KANK4: variants seen among roughly 807,000 people sequenced by gnomAD.
KANK4 encodes the protein KN motif and ankyrin repeat domains 4.
A neutral mutation model predicts 80.8 loss-of-function variants in KANK4; 50 were observed. The ratio of observed to expected loss-of-function variants is 0.62; its 90% CI spans 0.49 to 0.78. The LOEUF (loss-of-function observed/expected upper bound fraction) is 0.78, where lower values mean the gene tolerates loss of function less well. KANK4 is among the 30% of genes least tolerant of loss of function. The pLI is 0.00. For missense variants in KANK4, 1,196 were observed against 1,240.1 expected, an observed-to-expected ratio of 0.96 and a Z score of 0.53; for synonymous variants, 465 against 506.9, an observed-to-expected ratio of 0.92 and a Z score of 1.11.
In KANK4 at chr1:62,268,510, G is replaced by C; in HGVS notation, c.2013-5C>G. ...TCACTTGAGGTGGTCTCATACCTGG[G>C]GTAGAAAACAAAGGTCACTCGTCCT... On this transcript the variant is annotated splice_polypyrimidine_tract_variant and splice_region_variant and intron_variant, in intron 4 of 9. Transcript: ENST00000371153. The C allele has an allele frequency of 6.2e-7, 1 of 1,611,974 alleles. No homozygotes were observed. Among genetic ancestry groups the C allele is most frequent in the Non-Finnish European group, 8.5e-7 (1 of 1,178,864 alleles).
intron 1 of KANK4, among the ~76,000 whole-genome samples, chr1:62,284,921 G>C (rs1280307597): frequency 6.6e-6 from 1 of 152,126 alleles, no homozygotes; most frequent in African/African-American, 2.4e-5. Context: ...CAGACACTCA[G>C]TCCATGGTTC....
chr1:62,305,980 ACTCT>A (rs58731873), intron 1 of KANK4, among the ~76,000 whole-genome samples: 27 of 149,602 alleles, frequency 1.8e-4, no homozygotes, highest in Admixed American at 1.4e-3. Flanking sequence ...CCCATTACAG[ACTCT>A]CTCTCTCTCT....
chr1:62,252,773 A>G (rs574565746), intron 8 of KANK4, among the ~76,000 whole-genome samples: 20 of 152,386 alleles, frequency 1.3e-4, no homozygotes, highest in Non-Finnish European at 1.5e-5. Flanking sequence ...CAAGATGGCA[A>G]CTGGGAATGT....
At chr1:62,238,871 C>G (rs1427469633) in intron 9 of KANK4, among the ~76,000 whole-genome samples, 2 of 152,048 alleles carry the variant, frequency 1.3e-5, no homozygotes, top group Admixed American at 1.3e-4. Context: ...CTGAAGTGGT[C>G]CGCCCACCTT....
At chr1:62,288,502 A>C (rs1028124491) in intron 1 of KANK4, among the ~76,000 whole-genome samples, 2 of 152,198 alleles carry the variant, frequency 1.3e-5, no homozygotes, top group Non-Finnish European at 2.9e-5. Flanking sequence ...ACTCAAATAG[A>C]GCCTCTCTGA....
At chr1:62,260,156 A>G (rs1671845347) in intron 7 of KANK4, among the ~76,000 whole-genome samples, 1 of 152,064 alleles carries the variant, frequency 6.6e-6, no homozygotes, top group South Asian at 2.1e-4. Flanking sequence ...CATCTCAGAG[A>G]AATGAATAGC....
rs57965682 is a variant in KANK4 at position 62,238,628 on chromosome 1, T to G, written c.2884-247A>C. Among the ~76,000 whole-genome samples the G allele has an allele frequency of 0.16, 22,640 of 144,426 alleles. 2,005 individuals carry two copies. The highest frequency in any genetic ancestry group is 0.23 in the South Asian group (1,046 of 4,554). The allele number at this position is 144,426 out of a possible 152,430, so 94.7% of individuals were successfully genotyped here. ...TAAAGAAGGGCCATCTAGTTTTTAATGCTCTTTTTTTTTTTTTTTGAGATG... is the reference window on the plus strand; with the variant it reads ...TAAAGAAGGGCCATCTAGTTTTTAAGGCTCTTTTTTTTTTTTTTTGAGATG... On this transcript the variant is annotated intron_variant, in intron 9 of 9. Transcript: ENST00000371153.
chr1:62,318,761 C>T (rs981040141), intron 1 of KANK4, among the ~76,000 whole-genome samples: 1 of 152,188 alleles, frequency 6.6e-6, no homozygotes, highest in Admixed American at 6.5e-5. Flanking sequence ...AAGGACAGCA[C>T]GGCCTCCCCC....
intron 7 of KANK4, among the ~76,000 whole-genome samples, chr1:62,258,497 T>C (rs938640133): frequency 1.3e-5 from 2 of 152,214 alleles, no homozygotes; most frequent in African/African-American, 4.8e-5. Flanking sequence ...CAGAAACAAC[T>C]TCAGGCTGTC....
intron 9 of KANK4, among the ~76,000 whole-genome samples, chr1:62,247,141 T>C (rs1174429366): frequency 6.6e-6 from 1 of 151,948 alleles, no homozygotes; most frequent in Admixed American, 6.6e-5. Flanking sequence ...TCCTCCTGCC[T>C]TGGCCTCTGA....
At chr1:62,262,393 TTTCAACAGTGAAGCA>T (rs1415699076) in intron 7 of KANK4, among the ~76,000 whole-genome samples, 2 of 152,180 alleles carry the variant, frequency 1.3e-5, no homozygotes, top group African/African-American at 4.8e-5. Context: ...CAGAGGGAAC[TTTCAACAGTGAAGCA>T]TTTCCTTGAC....
intron 1 of KANK4, among the ~76,000 whole-genome samples, chr1:62,302,500 GC>G (rs1369381766): frequency 6.6e-6 from 1 of 152,018 alleles, no homozygotes; most frequent in Non-Finnish European, 1.5e-5. Flanking sequence ...GACTGAATGA[GC>G]CCCCTCTAAA....
At position 62,263,274 on chromosome 1, in the gene KANK4, C is replaced by T. The variant is rs374086260; in HGVS notation, c.2357G>A (p.Arg786His). 1.1e-4 allele frequency: 175 copies of T among 1,613,270 alleles called. No homozygotes were observed. Among genetic ancestry groups the T allele is most frequent in the Non-Finnish European group, 1.4e-4 (162 of 1,179,832 alleles). The change falls in exon 7 of 10, where the codon CGC becomes CAC. Residue 786 changes from arginine to histidine, a missense_variant. Transcript: ENST00000371153. Reference sequence around the variant, plus strand: ...GCTAGACGACTTCCGGCTGGAGACGCGGAACCACTCTTGACTGATGGTGTT... The same window carrying T: ...GCTAGACGACTTCCGGCTGGAGACGTGGAACCACTCTTGACTGATGGTGTT... ...SLNTISQEWF[R>H]VSSRKSSSPA...
chr1:62,308,729 A>G (rs1383346440), intron 1 of KANK4, among the ~76,000 whole-genome samples: 1 of 152,098 alleles, frequency 6.6e-6, no homozygotes, highest in Non-Finnish European at 1.5e-5. Context: ...GGGAGGGAAC[A>G]CCGAGGGCAC....
intron 8 of KANK4, among the ~76,000 whole-genome samples, chr1:62,249,600 T>C (rs1409041318): frequency 6.7e-6 from 1 of 149,672 alleles, no homozygotes; most frequent in East Asian, 2.0e-4. Flanking sequence ...TGGAGTGCAA[T>C]GGTGCAATCT....
At position 62,262,935 on chromosome 1, in the gene KANK4, G is replaced by A. The variant is rs74076433; in HGVS notation, c.2539+157C>T. 8.3e-3 allele frequency among the ~76,000 whole-genome samples: 1,266 copies of A among 152,220 alleles called. 19 individuals carry two copies. The highest frequency in any genetic ancestry group is 0.029 in the African/African-American group (1,212 of 41,540). ...ACCATGTATGCTATTTGGGTGATGG[G>A]TATACTACAAGACCAGACTTCACCA... On this transcript the variant is annotated intron_variant, in intron 7 of 9. Transcript: ENST00000371153.
Position 62,273,676 on chromosome 1 carries a change from C to G in KANK4, c.1428G>C (p.Gln476His). ...GCTCGGGTCCCTGTGGCAGTGACAG[C>G]TGGGGCAGAAGCACACGTTCTGCTG... is the stretch of plus-strand genomic sequence containing the variant. ...QSPAERVLLP[Q>H]LSLPQGPEQV... Residue 476 changes from glutamine to histidine, a missense_variant, in exon 3 of 10, where the codon CAG becomes CAC. By Grantham distance (24) the Gln-to-His change is conservative. Coordinates refer to ENST00000371153, the MANE Select transcript of KANK4 (RefSeq NM_181712.5). 1 of 1,614,152 alleles carries G rather than the reference C, an allele frequency of 6.2e-7. No individual in the cohort carries two copies. The highest frequency in any genetic ancestry group is 8.5e-7 in the Non-Finnish European group (1 of 1,180,002).
intron 1 of KANK4, among the ~76,000 whole-genome samples, chr1:62,297,414 C>A (rs921185818): frequency 6.6e-6 from 1 of 152,092 alleles, no homozygotes; most frequent in South Asian, 2.1e-4. Context: ...GGTTCAGGGG[C>A]ACAAATCTAG....
intron 9 of KANK4, among the ~76,000 whole-genome samples, chr1:62,245,254 C>T (rs1447767767): frequency 6.6e-6 from 1 of 152,194 alleles, no homozygotes; most frequent in Non-Finnish European, 1.5e-5. Flanking sequence ...AAAGGAGGCT[C>T]TGGTTTCCAG....
Sources: allele counts gnomAD v4.1 joint callset (sites outside exome capture counted in the v4.1 genomes callset), GRCh38; gene constraint gnomAD v4.1.1; transcripts MANE v1.5; gene names NCBI Gene and HGNC (gene_info 2026-07-23, HGNC 2026-07-21).